Variants in PREX1 observed in about 807,000 individuals in gnomAD.
The protein encoded by PREX1 is phosphatidylinositol-3,4,5-trisphosphate dependent Rac exchange factor 1.
In PREX1, 41 loss-of-function variants were observed where a neutral mutation model predicts 198.3. The ratio of observed to expected loss-of-function variants is 0.21; its 90% CI spans 0.16 to 0.27. The LOEUF (loss-of-function observed/expected upper bound fraction) is 0.27. Ranked by LOEUF, PREX1 falls within the 10% of genes least tolerant of loss-of-function variation. The pLI is 1.00. For missense variants in PREX1, 1,620 were observed against 2,200.7 expected, an observed-to-expected ratio of 0.74 and a Z score of 5.28; for synonymous variants, 843 against 887.2, an observed-to-expected ratio of 0.95 and a Z score of 0.89.
intron 2 of PREX1, among the ~76,000 whole-genome samples, chr20:48,746,854 G>A (rs952909588): frequency 2.0e-5 from 3 of 151,828 alleles, no homozygotes; most frequent in Non-Finnish European, 4.4e-5. Context: ...ATAAATAAGT[G>A]GAATAAACAG....
the PREX1 span, among the ~76,000 whole-genome samples, chr20:48,852,603 G>T: frequency 3.9e-5 from 6 of 152,160 alleles, no homozygotes; most frequent in African/African-American, 1.4e-4. Flanking sequence ...AGCCTGTAAT[G>T]CTGCAGTTCT....
chr20:48,696,878 C>T (rs1958984342), intron 7 of PREX1, among the ~76,000 whole-genome samples: 2 of 151,952 alleles, frequency 1.3e-5, no homozygotes, highest in South Asian at 4.2e-4. Context: ...ATCCTAGGAT[C>T]AGAACGACAC....
chr20:48,758,578 A>G (rs927365338), intron 1 of PREX1, among the ~76,000 whole-genome samples: 11 of 152,142 alleles, frequency 7.2e-5, no homozygotes. Context: ...CTGTTAAAAC[A>G]CCAAAATACT....
the PREX1 span, among the ~76,000 whole-genome samples, chr20:48,865,545 C>G: frequency 6.6e-6 from 1 of 152,092 alleles, no homozygotes; most frequent in Non-Finnish European, 1.5e-5. Context: ...ACAAAAGAAA[C>G]AAAAAGAGGT....
intron 10 of PREX1, among the ~76,000 whole-genome samples, chr20:48,682,325 TC>T (rs2089756627): frequency 6.6e-6 from 1 of 152,116 alleles, no homozygotes; most frequent in African/African-American, 2.4e-5. Flanking sequence ...TTTAAAATGG[TC>T]CCCGACCCCT....
intron 1 of PREX1, among the ~76,000 whole-genome samples, chr20:48,825,530 T>C (rs2123089478): frequency 6.6e-6 from 1 of 152,274 alleles, no homozygotes; most frequent in African/African-American, 2.4e-5. Context: ...TAAGAATGGT[T>C]GGCTCCAATC....
At chr20:48,789,531 C>A (rs1230963913) in intron 1 of PREX1, among the ~76,000 whole-genome samples, 1 of 152,196 alleles carries the variant, frequency 6.6e-6, no homozygotes, top group Non-Finnish European at 1.5e-5. Flanking sequence ...GAGTCACCTG[C>A]CCAGAGTCAC....
chr20:48,741,668 G>A lies in PREX1; in HGVS notation c.414+3357C>T, dbSNP rs549804740. On this transcript the variant is annotated intron_variant, in intron 3 of 39. Coordinates refer to ENST00000371941, the MANE Select transcript of PREX1 (RefSeq NM_020820.4). ...GATGTGTCAAAGGGTGATGCGGACT[G>A]TTCTGTTGAGAATGACAGAGTAGGG... Among the ~76,000 whole-genome samples, 90 of 152,344 alleles carry A rather than the reference G, an allele frequency of 5.9e-4. 1 individual carries two copies. Among genetic ancestry groups the A allele is most frequent in the African/African-American group, 2.1e-3 (89 of 41,572 alleles).
intron 1 of PREX1, among the ~76,000 whole-genome samples, chr20:48,761,128 G>A (rs1051199170): frequency 6.6e-6 from 1 of 152,202 alleles, no homozygotes; most frequent in East Asian, 1.9e-4. Context: ...GACACAGGGA[G>A]CAAACAGCAT....
Position 48,787,977 on chromosome 20 carries a change from C to A in PREX1, c.219+39665G>T, listed in dbSNP as rs146152013. Reference sequence around the variant, plus strand: ...AAGCAAAGGCAAGGCAGGAAAACTGCCGATGTGGGAGCTAAACTTCACTTG... The same window carrying A: ...AAGCAAAGGCAAGGCAGGAAAACTGACGATGTGGGAGCTAAACTTCACTTG... On this transcript the variant is annotated intron_variant, in intron 1 of 39. Transcript: ENST00000371941. 8.5e-3 allele frequency among the ~76,000 whole-genome samples: 1,299 copies of A among 152,222 alleles called. 15 individuals are homozygous for A. Among genetic ancestry groups the A allele is most frequent in the Non-Finnish European group, 0.014 (937 of 68,012 alleles).
chr20:48,800,357 G>A (rs2090380992), intron 1 of PREX1, among the ~76,000 whole-genome samples: 1 of 152,172 alleles, frequency 6.6e-6, no homozygotes, highest in African/African-American at 2.4e-5. Context: ...TGAGATGTGG[G>A]ACTTTTAGTT....
chr20:48,705,246 G>A (rs1013308402), intron 6 of PREX1, among the ~76,000 whole-genome samples: 15 of 152,244 alleles, frequency 9.9e-5, no homozygotes, highest in Non-Finnish European at 1.2e-4. Flanking sequence ...GCAAGGTATT[G>A]TGACACACTG....
In PREX1 at chr20:48,650,272, C is replaced by T. The variant is rs1048545547; in HGVS notation, c.2818-66G>A. ...GGGTCTGGAAATATTGGCCCATACCCAGTACCCACTTTATCCTGGCCTAGG... is the reference window on the plus strand; with the variant it reads ...GGGTCTGGAAATATTGGCCCATACCTAGTACCCACTTTATCCTGGCCTAGG... On this transcript the variant is annotated intron_variant, in intron 23 of 39. Coordinates refer to ENST00000371941, the MANE Select transcript of PREX1 (RefSeq NM_020820.4). 4 of 1,476,048 alleles carry T rather than the reference C, an allele frequency of 2.7e-6. No homozygotes were observed. In the African/African-American group the frequency reaches 5.6e-5, roughly 21 times the overall value. 91.4% of individuals were successfully genotyped at this position (1,476,048 alleles called of 1,614,324 possible).
chr20:48,696,884 G>A (rs940028838), intron 7 of PREX1, among the ~76,000 whole-genome samples: 6 of 151,876 alleles, frequency 4.0e-5, no homozygotes, highest in Non-Finnish European at 7.4e-5. Context: ...GGATCAGAAC[G>A]ACACTATTGG....
intron 38 of PREX1, 71 bp downstream of exon 38, chr20:48,627,790 C>T (rs2089284568): frequency 3.4e-6 from 5 of 1,486,846 alleles, no homozygotes; most frequent in Admixed American, 2.0e-5. Flanking sequence ...GCCCCTCATC[C>T]CACCCTGGCT....
At chr20:48,784,114 A>G (rs1433165386) in intron 1 of PREX1, among the ~76,000 whole-genome samples, 1 of 152,196 alleles carries the variant, frequency 6.6e-6, no homozygotes, top group African/African-American at 2.4e-5. Context: ...GCTCACAATG[A>G]GAGTGAAGAA....
chr20:48,763,230 A>G (rs1341772456), intron 1 of PREX1, among the ~76,000 whole-genome samples: 1 of 152,256 alleles, frequency 6.6e-6, no homozygotes, highest in Non-Finnish European at 1.5e-5. Flanking sequence ...ATGCACTAGG[A>G]AGCACTGTAC....
intron 1 of PREX1, among the ~76,000 whole-genome samples, chr20:48,786,782 G>T (rs1444821921): frequency 1.4e-5 from 2 of 143,448 alleles, no homozygotes; most frequent in South Asian, 2.3e-4. Flanking sequence ...AAAAAGAGAA[G>T]AGTAGAAAAG....
intron 33 of PREX1, among the ~76,000 whole-genome samples, chr20:48,633,563 A>G (rs749975480): frequency 2.6e-5 from 4 of 152,198 alleles, no homozygotes; most frequent in Non-Finnish European, 5.9e-5. Context: ...GGCTTTCAGC[A>G]TACAGGCCTC....
Sources: gnomAD v4.1 joint callset for allele counts (sites outside exome capture counted in the v4.1 genomes callset) on GRCh38, gnomAD v4.1.1 for gene constraint, MANE v1.5 for transcripts, NCBI Gene and HGNC (gene_info 2026-07-23, HGNC 2026-07-21) for gene names.